The following GRAMD1B variants were observed in gnomAD, a reference collection of about 807,000 sequenced individuals.
GRAMD1B encodes the protein protein Aster-B.
A neutral mutation model predicts 99.7 loss-of-function variants in GRAMD1B; 37 were observed. The ratio of observed to expected loss-of-function variants is 0.37; its 90% CI spans 0.29 to 0.49. GRAMD1B has a LOEUF of 0.49. Ranked by LOEUF, GRAMD1B falls within the 20% of genes least tolerant of loss-of-function variation. GRAMD1B has a pLI of 0.98. For missense variants in GRAMD1B, 888 were observed against 1,009.2 expected, an observed-to-expected ratio of 0.88 and a Z score of 1.63; for synonymous variants, 427 against 387.6, an observed-to-expected ratio of 1.10 and a Z score of -1.19.
chr11:123,442,442 G>A (rs1949452454), intron 1 of GRAMD1B, among the ~76,000 whole-genome samples: 2 of 152,140 alleles, frequency 1.3e-5, no homozygotes, highest in South Asian at 4.1e-4. Flanking sequence ...TTCAGGGCGA[G>A]TACACAATGC....
intron 1 of GRAMD1B, among the ~76,000 whole-genome samples, chr11:123,432,483 GGT>G (rs1201645095): frequency 1.3e-5 from 2 of 151,750 alleles, no homozygotes; most frequent in Non-Finnish European, 1.5e-5. Flanking sequence ...CTTGAACCTG[GGT>G]ACAGGGGCTG....
intron 2 of GRAMD1B, among the ~76,000 whole-genome samples, chr11:123,573,696 G>A (rs541063154): frequency 6.6e-6 from 1 of 152,166 alleles, no homozygotes; most frequent in Non-Finnish European, 1.5e-5. Context: ...GGGTTTGTTG[G>A]GGGGATTAAA....
At chr11:123,533,300 G>A (rs1464977606) in intron 2 of GRAMD1B, among the ~76,000 whole-genome samples, 1 of 151,976 alleles carries the variant, frequency 6.6e-6, no homozygotes, top group African/African-American at 2.4e-5. Flanking sequence ...CTATTCTTTG[G>A]TTTGTGTTTG....
At chr11:123,538,659 C>T (rs1006938504) in intron 2 of GRAMD1B, among the ~76,000 whole-genome samples, 3 of 151,746 alleles carry the variant, frequency 2.0e-5, no homozygotes, top group Admixed American at 6.6e-5. Flanking sequence ...CTCACTCTGT[C>T]GCCAGGTTAG....
At position 123,537,016 on chromosome 11, in the gene GRAMD1B, A is replaced by C. The variant is rs1944037138; in HGVS notation, c.453-40351A>C. Among the ~76,000 whole-genome samples the C allele has an allele frequency of 2.0e-5, 3 of 152,302 alleles. No individual in the cohort carries two copies. In the South Asian group the frequency reaches 6.2e-4, roughly 32 times the overall value. On this transcript the variant is annotated intron_variant, in intron 2 of 19. Coordinates refer to ENST00000635736, the MANE Select transcript of GRAMD1B (RefSeq NM_001387025.1). Reference sequence around the variant, plus strand: ...AGGATCTTTAGTGTACAAGACCTTTAATATTCTTCCTGAGTTTCCACTGGA... The same window carrying C: ...AGGATCTTTAGTGTACAAGACCTTTCATATTCTTCCTGAGTTTCCACTGGA...
intron 2 of GRAMD1B, among the ~76,000 whole-genome samples, chr11:123,502,670 G>A (rs1334639517): frequency 6.6e-6 from 1 of 151,802 alleles, no homozygotes; most frequent in Admixed American, 6.6e-5. Flanking sequence ...AGCTAATCGG[G>A]AGGCTGAGGC....
At chr11:123,611,859 G>T (rs1232426103) in intron 14 of GRAMD1B, among the ~76,000 whole-genome samples, 1 of 151,942 alleles carries the variant, frequency 6.6e-6, no homozygotes, top group Non-Finnish European at 1.5e-5. Flanking sequence ...TCACAGGGCG[G>T]GATGGGGCGG....
At position 123,383,519 on chromosome 11, in the gene GRAMD1B, G is replaced by A. The variant is rs183818577; in HGVS notation, c.-176+24720G>A. On this transcript the variant is annotated intron_variant, in intron 1 of 20. Coordinates refer to the GRAMD1B transcript ENST00000638157. The stretch of plus-strand genomic sequence containing the variant: ...TCTGTGTCAGTATCTTCATCTCCCA[G>A]TATAGTGGTTCATTCATGTTAAGTG... Among the ~76,000 whole-genome samples the A allele has an allele frequency of 2.5e-3, 379 of 152,198 alleles. 2 individuals are homozygous for A. Among genetic ancestry groups the A allele is most frequent in the South Asian group, 0.016 (79 of 4,828 alleles).
In GRAMD1B at chr11:123,590,157, G is replaced by T. The variant is rs543839384; in HGVS notation, c.685-3925G>T. ...TCTTTTTGGGCTTGGTCCCCCTCTT[G>T]CTAATGCTGAAGGTTGTATAGGGTC... On this transcript the variant is annotated intron_variant, in intron 4 of 19. Coordinates refer to ENST00000635736, the MANE Select transcript of GRAMD1B (RefSeq NM_001387025.1). Among the ~76,000 whole-genome samples, 7 of 152,258 alleles carry T rather than the reference G, an allele frequency of 4.6e-5. No homozygotes were observed. In the East Asian group the frequency reaches 1.4e-3, roughly 29 times the overall value.
At position 123,591,818 on chromosome 11, in the gene GRAMD1B, G is replaced by C. The variant is rs372576038; in HGVS notation, c.685-2264G>C. ...CAACAGCCTTGTGGAATAGGCTTGT[G>C]TTGGGAAGCCTGGATAAAGGAGTTT... On this transcript the variant is annotated intron_variant, in intron 4 of 19. Coordinates refer to ENST00000635736, the MANE Select transcript of GRAMD1B (RefSeq NM_001387025.1). This position sits in a 1 kb window ranked among gnomAD's most constrained non-coding sequence, Gnocchi z 4.7. Among the ~76,000 whole-genome samples the C allele has an allele frequency of 3.9e-5, 6 of 152,204 alleles. No individual in the cohort carries two copies. The highest frequency in any genetic ancestry group is 1.4e-4 in the African/African-American group (6 of 41,450).
intron 8 of GRAMD1B, among the ~76,000 whole-genome samples, chr11:123,602,515 AT>A (rs201806003): frequency 0.026 from 3,849 of 147,936 alleles, 89 homozygotes; most frequent in African/African-American, 0.055. Context: ...TTGAAATGGG[AT>A]TTTTTTTTTT....
chr11:123,547,393 C>T (rs1484236934), intron 2 of GRAMD1B, among the ~76,000 whole-genome samples: 1 of 152,166 alleles, frequency 6.6e-6, no homozygotes, highest in Admixed American at 6.5e-5. Context: ...GTTGATGTCT[C>T]AGAGTTGGGA....
chr11:123,405,885 A>C (rs988991362), intron 1 of GRAMD1B, among the ~76,000 whole-genome samples: 1 of 152,174 alleles, frequency 6.6e-6, no homozygotes, highest in Non-Finnish European at 1.5e-5. Flanking sequence ...CTTTACATGG[A>C]GAAGGTGAGT....
chr11:123,390,263 G>A (rs1257303274), intron 1 of GRAMD1B, among the ~76,000 whole-genome samples: 1 of 152,062 alleles, frequency 6.6e-6, no homozygotes, highest in African/African-American at 2.4e-5. Flanking sequence ...TTAAGTGGAA[G>A]TCCAATGACA....
chr11:123,365,526 A>G (rs1023118568), intron 1 of GRAMD1B, among the ~76,000 whole-genome samples: 9 of 152,170 alleles, frequency 5.9e-5, no homozygotes, highest in Non-Finnish European at 1.2e-4. Flanking sequence ...TGTTGGGATT[A>G]CAGGCATGGA....
chr11:123,542,695 C>T (rs1220408169), intron 2 of GRAMD1B, among the ~76,000 whole-genome samples: 1 of 152,158 alleles, frequency 6.6e-6, no homozygotes, highest in Non-Finnish European at 1.5e-5. Flanking sequence ...TCTTGTTGCC[C>T]AGGGTGGAGT....
At chr11:123,358,841 C>CA (rs1218576545) in intron 1 of GRAMD1B, 38 of 152,462 alleles carry the variant, frequency 2.5e-4, no homozygotes, top group African/African-American at 8.9e-4. Context: ...GAGGAACACA[C>CA]ATGGATGCCG....
chr11:123,598,988 A>G (rs1951622616), intron 7 of GRAMD1B: 2 of 1,059,724 alleles, frequency 1.9e-6, no homozygotes, highest in East Asian at 4.7e-5. Context: ...CCAGCTTCTC[A>G]GATGCCTTCA....
At chr11:123,471,735 G>C (rs570379685) in intron 1 of GRAMD1B, among the ~76,000 whole-genome samples, 1 of 152,166 alleles carries the variant, frequency 6.6e-6, no homozygotes, top group Non-Finnish European at 1.5e-5. Context: ...TGGTGAAGAA[G>C]TAGGGGCATT....
Sources: allele counts gnomAD v4.1 joint callset (sites outside exome capture counted in the v4.1 genomes callset), GRCh38; gene constraint gnomAD v4.1.1; non-coding constraint Gnocchi (gnomAD v3.1); transcripts MANE v1.5; gene names NCBI Gene and HGNC (gene_info 2026-07-23, HGNC 2026-07-21).